The following DYNC2H1 variants were observed in gnomAD, a reference collection of about 807,000 sequenced individuals.
The protein encoded by DYNC2H1 is cytoplasmic dynein 2 heavy chain 1.
Under a neutral mutation model 570.0 loss-of-function variants are expected in DYNC2H1, and 410 were observed. The observed-to-expected ratio is 0.72, with a 90% CI of 0.66 to 0.78. The LOEUF (loss-of-function observed/expected upper bound fraction) is 0.78, where lower values mean the gene tolerates loss of function less well. DYNC2H1 is among the 30% of genes least tolerant of loss of function. The pLI, the probability that DYNC2H1 is intolerant of heterozygous loss-of-function variation, is 0.00. For synonymous variants in DYNC2H1, 1,688 were observed against 1,677.6 expected, an observed-to-expected ratio of 1.01 and a Z score of -0.15; for missense variants, 4,865 against 5,046.4, an observed-to-expected ratio of 0.96 and a Z score of 1.09.
intron 29 of DYNC2H1, among the ~76,000 whole-genome samples, chr11:103,161,731 A>G (rs551480048): frequency 3.3e-5 from 5 of 152,336 alleles, no homozygotes; most frequent in African/African-American, 1.2e-4. Flanking sequence ...ATGAATTTGT[A>G]TAAGATGATT....
At chr11:103,225,318 T>G (rs979699897) in intron 59 of DYNC2H1, among the ~76,000 whole-genome samples, 1 of 152,192 alleles carries the variant, frequency 6.6e-6, no homozygotes, top group African/African-American at 2.4e-5. Context: ...GGTCATGAAG[T>G]CTTTACCTAA....
chr11:103,353,563 T>C (rs868103318), intron 82 of DYNC2H1, among the ~76,000 whole-genome samples: 9 of 152,180 alleles, frequency 5.9e-5, no homozygotes, highest in Non-Finnish European at 2.9e-5. Context: ...TTACTTTTAA[T>C]GACAAAGTAT....
At chr11:103,287,448 TTTAA>T (rs1319153659) in intron 74 of DYNC2H1, 81 bp from the exon 75 acceptor site, 19 of 1,069,550 alleles carry the variant, frequency 1.8e-5, no homozygotes, top group East Asian at 2.6e-5. Flanking sequence ...TAAACATTTG[TTTAA>T]TTAGTTAACA....
chr11:103,248,111 G>C (rs767974513), intron 65 of DYNC2H1, among the ~76,000 whole-genome samples: 5 of 151,980 alleles, frequency 3.3e-5, no homozygotes, highest in Non-Finnish European at 5.9e-5. Flanking sequence ...TTTGTATTTA[G>C]TGGCTGTAAC....
In DYNC2H1 at chr11:103,125,385, T is replaced by TA. The variant is rs398045495; in HGVS notation, c.1857+91dup. 606 of 869,316 alleles carry TA rather than the reference T, an allele frequency of 7.0e-4. 4 individuals are homozygous for TA. In the African/African-American group the frequency reaches 1.0e-2, roughly 14 times the overall value. The allele number at this position is 869,316 out of a possible 1,614,324, so 53.9% of individuals were successfully genotyped here. A position where few individuals can be genotyped will look rare whatever the true frequency, so the allele number is the denominator to read the frequency against. On this transcript the variant is annotated intron_variant, in intron 12 of 88. Coordinates refer to ENST00000375735, the MANE Select transcript of DYNC2H1 (RefSeq NM_001377.3). ...TAAAGGCTTTTTTTTTTTTTTTTTT[T>TA]AGGCTCATAGAATAGCACTGCCAGC...
At chr11:103,126,897 C>T (rs1859031223) in intron 12 of DYNC2H1, among the ~76,000 whole-genome samples, 1 of 152,148 alleles carries the variant, frequency 6.6e-6, no homozygotes, top group Non-Finnish European at 1.5e-5. Context: ...CTTGGCCTCC[C>T]AAAGTGCTGG....
intron 84 of DYNC2H1, among the ~76,000 whole-genome samples, chr11:103,413,248 G>T (rs1943154071): frequency 6.6e-6 from 1 of 152,070 alleles, no homozygotes; most frequent in Non-Finnish European, 1.5e-5. Context: ...TTTGTTAAAA[G>T]CCTATTTTTA....
At position 103,392,029 on chromosome 11, in the gene DYNC2H1, G is replaced by A. The variant is rs572222209; in HGVS notation, c.12157-7634G>A. ...ACCACTACTCTCTTCAAAGCTGTCA[G>A]ACAGGGACATTTAAGTCCGCAGAGG... On this transcript the variant is annotated intron_variant, in intron 83 of 88. Coordinates refer to ENST00000375735, the MANE Select transcript of DYNC2H1 (RefSeq NM_001377.3). 4.4e-4 allele frequency among the ~76,000 whole-genome samples: 67 copies of A among 152,326 alleles called. 1 individual carries two copies. Among genetic ancestry groups the A allele is most frequent in the African/African-American group, 1.5e-3 (63 of 41,584 alleles).
At chr11:103,356,569 A>G (rs1276522699) in intron 82 of DYNC2H1, among the ~76,000 whole-genome samples, 3 of 152,216 alleles carry the variant, frequency 2.0e-5, no homozygotes, top group Non-Finnish European at 4.4e-5. Context: ...GTGACAGCAA[A>G]ACTTGAGTTA....
Position 103,280,536 on chromosome 11 carries a change from A to G in DYNC2H1, c.10761+123A>G, listed in dbSNP as rs1866089679. Reference sequence around the variant, plus strand: ...TATATCAACCTATTAATCTTTTACTAAGTTAGAAATGTAGTATAAAATGGT... The same window carrying G: ...TATATCAACCTATTAATCTTTTACTGAGTTAGAAATGTAGTATAAAATGGT... On this transcript the variant is annotated intron_variant, in intron 71 of 88. Transcript: ENST00000375735. The surrounding 1 kb of genome is among the most constrained non-coding windows in gnomAD (Gnocchi z 4.7). 5 of 879,950 alleles carry G rather than the reference A, an allele frequency of 5.7e-6. No individual in the cohort carries two copies. The East Asian group carries it at 8.0e-5, about 14-fold the overall frequency. 54.5% of individuals were successfully genotyped at this position (879,950 alleles called of 1,614,324 possible). A position where few individuals can be genotyped will look rare whatever the true frequency, so the allele number is the denominator to read the frequency against.
intron 9 of DYNC2H1, 120 bp from the exon 10 acceptor site, chr11:103,121,252 A>G (rs1858692280): frequency 8.4e-7 from 1 of 1,196,304 alleles, no homozygotes; most frequent in Non-Finnish European, 1.1e-6. Flanking sequence ...GTCCTTGGGG[A>G]TAAGGACCAA....
At chr11:103,378,099 C>T (rs1941468932) in intron 83 of DYNC2H1, among the ~76,000 whole-genome samples, 1 of 150,104 alleles carries the variant, frequency 6.7e-6, no homozygotes, top group African/African-American at 2.5e-5. Context: ...GTTAATTTAA[C>T]ATCATTAATA....
chr11:103,424,456 G>A (rs372487528), intron 84 of DYNC2H1, among the ~76,000 whole-genome samples: 212 of 152,134 alleles, frequency 1.4e-3, no homozygotes, highest in African/African-American at 4.9e-3. Flanking sequence ...TATATCACTC[G>A]TGAATATTGA....
chr11:103,166,135 A>G (rs1033003204), intron 31 of DYNC2H1, 87 bp downstream of exon 31: 15 of 1,134,404 alleles, frequency 1.3e-5, no homozygotes, highest in Non-Finnish European at 1.8e-5. Flanking sequence ...TTTTGACTGT[A>G]TATCTGTGTT....
Position 103,192,262 on chromosome 11 carries a change from C to T in DYNC2H1, c.7706C>T (p.Ser2569Leu), listed in dbSNP as rs1319236841. ...GGCTCAGACATATTAGACAATATGT[C>T]AGGTAAGGTAATAGAGCTTATGCAA... The part of the protein sequence containing the change: ...DWGSDILDNM[S>L]DSFYVTWGAR... The change falls in exon 47 of 89, where the codon TCA becomes TTA. Residue 2569 changes from serine (S) to leucine (L), a missense_variant and splice_region_variant. By Grantham distance (145) the Ser-to-Leu change is moderately radical. Around this residue, in one of 5 missense-constraint regions of DYNC2H1, gnomAD observed 2,401 missense variants for 2,454.6 expected, o/e 0.98. Coordinates refer to ENST00000375735, the MANE Select transcript of DYNC2H1 (RefSeq NM_001377.3). 2 of 1,543,866 alleles carry T rather than the reference C, an allele frequency of 1.3e-6. No individual in the cohort carries two copies. Among genetic ancestry groups the T allele is most frequent in the Non-Finnish European group, 1.8e-6 (2 of 1,136,616 alleles).
rs1383570184 is a variant in DYNC2H1 at position 103,326,820 on chromosome 11, G to C, written c.12039+2830G>C. ...GGCCTGGCAGTCAGCTGATGCTAGA[G>C]CCTCTAGGAGGGTGATGAGGACCCC... On this transcript the variant is annotated intron_variant, in intron 82 of 88. Coordinates refer to ENST00000375735, the MANE Select transcript of DYNC2H1 (RefSeq NM_001377.3). The surrounding 1 kb of genome is among the most constrained non-coding windows in gnomAD (Gnocchi z 6.1). Among the ~76,000 whole-genome samples the C allele has an allele frequency of 6.6e-6, 1 of 152,156 alleles. No individual in the cohort carries two copies. Among genetic ancestry groups the C allele is most frequent in the Non-Finnish European group, 1.5e-5 (1 of 68,020 alleles).
intron 63 of DYNC2H1, among the ~76,000 whole-genome samples, chr11:103,238,127 G>A (rs1218595708): frequency 6.6e-6 from 1 of 152,142 alleles, no homozygotes; most frequent in Non-Finnish European, 1.5e-5. Flanking sequence ...TGATTGGATA[G>A]CACGTAATCT....
intron 83 of DYNC2H1, among the ~76,000 whole-genome samples, chr11:103,384,265 G>A (rs989942749): frequency 2.0e-5 from 3 of 151,960 alleles, no homozygotes; most frequent in African/African-American, 4.8e-5. Flanking sequence ...ATTTGTCATC[G>A]TAAAGTGATT....
chr11:103,183,281 T>A (rs1861929845), intron 40 of DYNC2H1, among the ~76,000 whole-genome samples: 1 of 151,882 alleles, frequency 6.6e-6, no homozygotes, highest in Non-Finnish European at 1.5e-5. Context: ...GGCTTTCCAA[T>A]GCAGATACTT....
Sources: allele counts gnomAD v4.1 joint callset (sites outside exome capture counted in the v4.1 genomes callset), GRCh38; gene constraint gnomAD v4.1.1; regional missense constraint gnomAD v4.1.1; non-coding constraint Gnocchi (gnomAD v3.1); transcripts MANE v1.5; gene names NCBI Gene and HGNC (gene_info 2026-07-23, HGNC 2026-07-21).